The following RAB3IP variants were observed in gnomAD, a reference collection of about 807,000 sequenced individuals.
The protein encoded by RAB3IP is RAB3A interacting protein.
Under a neutral mutation model 59.1 loss-of-function variants are expected in RAB3IP, and 36 were observed. That is an observed-to-expected ratio of 0.61 (90% CI 0.47 to 0.80). The LOEUF is 0.80. RAB3IP is among the 30% of genes least tolerant of loss of function. The probability of loss-of-function intolerance (pLI) is 0.00; values close to 1 mark genes in which losing one functional copy is unlikely to be tolerated. For synonymous variants in RAB3IP, 207 were observed against 191.2 expected (o/e 1.08, Z -0.68); for missense variants, 511 against 536.0 (o/e 0.95, Z 0.46).
At chr12:69,802,031 T>C (rs1878469631) in intron 8 of RAB3IP, among the ~76,000 whole-genome samples, 1 of 149,782 alleles carries the variant, frequency 6.7e-6, no homozygotes, top group African/African-American at 2.4e-5. Flanking sequence ...ACATATATGA[T>C]AGAGATCCAG....
intron 3 of RAB3IP, among the ~76,000 whole-genome samples, chr12:69,765,330 T>G (rs1387047418): frequency 1.3e-5 from 2 of 152,216 alleles, no homozygotes; most frequent in African/African-American, 4.8e-5. Flanking sequence ...CTAATTTCTT[T>G]AGCGTTTTTA....
intron 1 of RAB3IP, among the ~76,000 whole-genome samples, chr12:69,743,572 AG>A (rs1240101282): frequency 1.3e-5 from 2 of 152,222 alleles, no homozygotes; most frequent in Non-Finnish European, 2.9e-5. Context: ...TCTCAAATGT[AG>A]GCAGGGGAGA....
intron 8 of RAB3IP, among the ~76,000 whole-genome samples, chr12:69,805,653 T>C (rs1479881129): frequency 3.3e-5 from 5 of 151,870 alleles, no homozygotes; most frequent in Non-Finnish European, 7.4e-5. Context: ...TAGCTCTTAT[T>C]ATTTTGAAAT....
At chr12:69,769,348 A>G (rs933193111) in intron 3 of RAB3IP, among the ~76,000 whole-genome samples, 4 of 152,166 alleles carry the variant, frequency 2.6e-5, no homozygotes, top group African/African-American at 9.7e-5. Context: ...CCTCTCTCCA[A>G]GTTAACTCCA....
chr12:69,788,531 G>T (rs181468304), intron 4 of RAB3IP, among the ~76,000 whole-genome samples: 35 of 152,168 alleles, frequency 2.3e-4, no homozygotes, highest in African/African-American at 7.9e-4. Context: ...CTGTATATAT[G>T]CATCCAACAT....
chr12:69,781,889 A>G (rs1874777613), intron 3 of RAB3IP, among the ~76,000 whole-genome samples: 1 of 152,218 alleles, frequency 6.6e-6, no homozygotes, highest in African/African-American at 2.4e-5. Context: ...GCAAATACCA[A>G]CAAGTGTGAT....
At chr12:69,786,150 TCTTA>T (rs1175612126) in intron 4 of RAB3IP, among the ~76,000 whole-genome samples, 1 of 152,234 alleles carries the variant, frequency 6.6e-6, no homozygotes, top group Non-Finnish European at 1.5e-5. Flanking sequence ...ATGTATGTAT[TCTTA>T]CTTAGTTGTA....
chr12:69,792,197 A>T (rs1225549609), intron 4 of RAB3IP, among the ~76,000 whole-genome samples: 1 of 152,182 alleles, frequency 6.6e-6, no homozygotes, highest in Admixed American at 6.5e-5. Context: ...ACAAAGTGTC[A>T]GTTATGCAGG....
At chr12:69,767,627 G>T (rs1872436956) in intron 3 of RAB3IP, among the ~76,000 whole-genome samples, 1 of 152,248 alleles carries the variant, frequency 6.6e-6, no homozygotes, top group Non-Finnish European at 1.5e-5. Context: ...TGATCTAAGA[G>T]AGTTGGTGCT....
intron 8 of RAB3IP, among the ~76,000 whole-genome samples, chr12:69,802,815 T>C (rs764295406): frequency 1.3e-5 from 2 of 152,222 alleles, no homozygotes; most frequent in Non-Finnish European, 2.9e-5. Context: ...TGTTGTTGTT[T>C]AGGTGACCAT....
Position 69,794,467 on chromosome 12 carries a change from A to G in RAB3IP, c.637A>G (p.Ile213Val). Reference protein sequence around the residue: ...EAHKMVREANIKQATAEKQLK... With the variant: ...EAHKMVREANVKQATAEKQLK... ...TCATAAAATGGTGAGAGAAGCAAATATCAAGCAGGCAACAGCAGAAAAACA... is the reference window on the plus strand; with the variant it reads ...TCATAAAATGGTGAGAGAAGCAAATGTCAAGCAGGCAACAGCAGAAAAACA... Residue 213 changes from isoleucine to valine, a missense_variant, in exon 5 of 11, where the codon ATC becomes GTC. By Grantham distance (29) the Ile-to-Val change is conservative. Transcript: ENST00000247833. The G allele has an allele frequency of 6.2e-7, 1 of 1,613,442 alleles. No individual in the cohort carries two copies.
rs576043260 is a variant in RAB3IP, at chr12:69,809,905, G to A, written c.1131-2873G>A. Among the ~76,000 whole-genome samples, 506 of 152,320 alleles carry A rather than the reference G, an allele frequency of 3.3e-3. 6 individuals carry two copies. The highest frequency in any genetic ancestry group is 0.017 in the Middle Eastern group (5 of 294). ...AGCCTTTCTCTCTCAACTCGTCAAAGTCATTCTCCATCCAGCTTTGTTCCG... is the reference window on the plus strand; with the variant it reads ...AGCCTTTCTCTCTCAACTCGTCAAAATCATTCTCCATCCAGCTTTGTTCCG... On this transcript the variant is annotated intron_variant, in intron 8 of 10. Coordinates refer to ENST00000247833, the MANE Select transcript of RAB3IP (RefSeq NM_022456.5).
chr12:69,783,035 A>T (rs1875014675), intron 3 of RAB3IP, among the ~76,000 whole-genome samples: 1 of 152,158 alleles, frequency 6.6e-6, no homozygotes, highest in Non-Finnish European at 1.5e-5. Flanking sequence ...GAAATTCGGT[A>T]CCAGTCTGAT....
chr12:69,795,041 C>G (rs1165784993), intron 5 of RAB3IP, 100 bp from the exon 6 acceptor site: 7 of 855,446 alleles, frequency 8.2e-6, no homozygotes, highest in Non-Finnish European at 1.3e-5. Context: ...ATTAAACTTA[C>G]TTTTCATCTT....
In RAB3IP at chr12:69,819,078, C is replaced by T. The variant is rs1388783217; in HGVS notation, c.*3632C>T. On this transcript the variant is annotated 3_prime_UTR_variant, in exon 11 of 11. Coordinates refer to ENST00000247833, the MANE Select transcript of RAB3IP (RefSeq NM_022456.5). ...ACCTGGGCAACGTAGACCTTGCCCCCCTTTAAAAAAATTCAAAAACAAAAT... is the reference window on the plus strand; with the variant it reads ...ACCTGGGCAACGTAGACCTTGCCCCTCTTTAAAAAAATTCAAAAACAAAAT... 1 of 151,950 alleles carries T rather than the reference C, an allele frequency of 6.6e-6. No individual in the cohort carries two copies. Among genetic ancestry groups the T allele is most frequent in the African/African-American group, 2.4e-5 (1 of 41,332 alleles). The allele number at this position is 151,950 out of a possible 1,614,324, so 9.4% of individuals were successfully genotyped here.
At chr12:69,787,912 T>TG (rs1188118840) in intron 4 of RAB3IP, among the ~76,000 whole-genome samples, 1 of 152,162 alleles carries the variant, frequency 6.6e-6, no homozygotes, top group Non-Finnish European at 1.5e-5. Flanking sequence ...GACATACTAA[T>TG]GTGTTAACAT....
At chr12:69,792,182 T>C (rs1876735381) in intron 4 of RAB3IP, among the ~76,000 whole-genome samples, 1 of 152,128 alleles carries the variant, frequency 6.6e-6, no homozygotes, top group Non-Finnish European at 1.5e-5. Flanking sequence ...ATGTCGGTCA[T>C]TGGTACAAAG....
At chr12:69,806,958 G>T (rs548931029) in intron 8 of RAB3IP, among the ~76,000 whole-genome samples, 4 of 152,130 alleles carry the variant, frequency 2.6e-5, no homozygotes, top group Admixed American at 2.6e-4. Flanking sequence ...GAACAAAATG[G>T]AGTCTCCTAT....
rs184395580 is a variant in RAB3IP at position 69,746,280 on chromosome 12, T to A, written c.-26+7249T>A. ...ATAAACTTTAAGCAACATTTTCTCT[T>A]TTAAAGAAGGCTTTTAATGGTCTGT... On this transcript the variant is annotated intron_variant, in intron 1 of 10. Transcript: ENST00000247833. 2.9e-3 allele frequency among the ~76,000 whole-genome samples: 441 copies of A among 152,268 alleles called. 4 individuals are homozygous for A. Among genetic ancestry groups the A allele is most frequent in the African/African-American group, 9.7e-3 (402 of 41,552 alleles).
Sources: allele counts gnomAD v4.1 joint callset (sites outside exome capture counted in the v4.1 genomes callset), GRCh38; gene constraint gnomAD v4.1.1; transcripts MANE v1.5; gene names NCBI Gene and HGNC (gene_info 2026-07-23, HGNC 2026-07-21).